Variants in FOXN2 observed in about 807,000 individuals in gnomAD.
FOXN2 encodes the protein forkhead box N2.
FOXN2 carries 19 observed loss-of-function variants against 41.2 expected under a neutral mutation model. That is an observed-to-expected ratio of 0.46 (90% CI 0.32 to 0.68). FOXN2 has a LOEUF of 0.68. Among genes scored for constraint, FOXN2 ranks in the 30% least tolerant of loss-of-function variants. The pLI, the probability that FOXN2 is intolerant of heterozygous loss-of-function variation, is 0.03. For missense variants in FOXN2, 587 were observed against 509.4 expected (o/e 1.15, Z -1.47); for synonymous variants, 195 against 176.8 (o/e 1.10, Z -0.82).
At chr2:48,339,975 A>G (rs902246619) in intron 2 of FOXN2, among the ~76,000 whole-genome samples, 1 of 152,230 alleles carries the variant, frequency 6.6e-6, no homozygotes, top group African/African-American at 2.4e-5. Context: ...AATGAATTCG[A>G]TGGGGGAAAA....
chr2:48,315,285 T>C (rs986649244), intron 1 of FOXN2, among the ~76,000 whole-genome samples: 2 of 152,218 alleles, frequency 1.3e-5, no homozygotes, highest in African/African-American at 4.8e-5. Context: ...GAGCGAGACA[T>C]GTCGGGCTCG....
intron 1 of FOXN2, among the ~76,000 whole-genome samples, chr2:48,319,014 C>T (rs1669114251): frequency 6.6e-6 from 1 of 152,194 alleles, no homozygotes; most frequent in South Asian, 2.1e-4. Context: ...CGAGTAGATA[C>T]ATTACTGTTA....
intron 1 of FOXN2, among the ~76,000 whole-genome samples, chr2:48,323,868 A>C (rs1387319356): frequency 2.0e-5 from 3 of 152,054 alleles, no homozygotes; most frequent in African/African-American, 7.2e-5. Context: ...TTCAGGTCTT[A>C]CATTTAAGTC....
rs772402580 is a variant in FOXN2, at chr2:48,359,055, A to G, written c.546A>G (p.Gly182=). ...TGTGCATTTTATTCTAGGTTAATGG[A>G]AAAGGTTCCTTATGGTGTGTTGATC... is the stretch of plus-strand genomic sequence containing the variant. ...KVERSHGKVN[G]KGSLWCVDPE... Residue 182 remains glycine (G), a synonymous_variant, in exon 4 of 7, where the codon GGA becomes GGG. Coordinates refer to ENST00000340553, the MANE Select transcript of FOXN2 (RefSeq NM_002158.4). 5.8e-5 allele frequency: 94 copies of G among 1,611,214 alleles called. 1 individual carries two copies. Among genetic ancestry groups the G allele is most frequent in the Admixed American group, 8.4e-5 (5 of 59,750 alleles).
intron 3 of FOXN2, among the ~76,000 whole-genome samples, chr2:48,351,068 C>G (rs1305328392): frequency 6.7e-6 from 1 of 149,850 alleles, no homozygotes; most frequent in Non-Finnish European, 1.5e-5. Context: ...TCAAGCAATC[C>G]TGTTACCTCC....
At chr2:48,357,320 G>C (rs758777695) in intron 3 of FOXN2, among the ~76,000 whole-genome samples, 1 of 152,132 alleles carries the variant, frequency 6.6e-6, no homozygotes, top group African/African-American at 2.4e-5. Context: ...AATTTGAAAA[G>C]TAGACTTGAA....
intron 2 of FOXN2, among the ~76,000 whole-genome samples, chr2:48,330,674 T>G (rs1669968245): frequency 6.6e-6 from 1 of 152,120 alleles, no homozygotes; most frequent in South Asian, 2.1e-4. Context: ...ATGCAGTTCT[T>G]GGTGGGTGGT....
chr2:48,316,519 C>A lies in FOXN2; in HGVS notation c.-157+1705C>A, dbSNP rs141183248. Among the ~76,000 whole-genome samples the A allele has an allele frequency of 3.3e-3, 496 of 151,988 alleles. 6 individuals are homozygous for A. Among genetic ancestry groups the A allele is most frequent in the African/African-American group, 0.011 (468 of 41,446 alleles). On this transcript the variant is annotated intron_variant, in intron 1 of 6. Transcript: ENST00000340553. ...GTAAATAAAATTACCAGTGAAAATA[C>A]TTTTTTAGGGATGAAGTAGTGATTT...
At chr2:48,359,241 T>C in intron 4 of FOXN2, 94 bp downstream of exon 4, 2 of 857,104 alleles carry the variant, frequency 2.3e-6, no homozygotes, top group East Asian at 2.6e-5. Context: ...ATGTTTCTGT[T>C]TTATTGTATA....
At chr2:48,351,413 G>A (rs373530777) in intron 3 of FOXN2, among the ~76,000 whole-genome samples, 11 of 152,252 alleles carry the variant, frequency 7.2e-5, no homozygotes, top group African/African-American at 2.6e-4. Context: ...ATACGATATA[G>A]AAAGAAATAT....
At chr2:48,356,515 C>T (rs1301809617) in intron 3 of FOXN2, among the ~76,000 whole-genome samples, 1 of 151,942 alleles carries the variant, frequency 6.6e-6, no homozygotes, top group Non-Finnish European at 1.5e-5. Flanking sequence ...AACATTATTA[C>T]TATGAGACTT....
upstream of FOXN2, among the ~76,000 whole-genome samples, chr2:48,314,215 C>G (rs1668728933): frequency 6.6e-6 from 1 of 152,278 alleles, no homozygotes; most frequent in Non-Finnish European, 1.5e-5. Flanking sequence ...CGGGCACAGG[C>G]ACCGAGGGCC....
At chr2:48,368,160 C>T (rs887906992) in intron 5 of FOXN2, among the ~76,000 whole-genome samples, 2 of 151,974 alleles carry the variant, frequency 1.3e-5, no homozygotes, top group Admixed American at 6.6e-5. Context: ...GGTGTTGACA[C>T]GGTTTTGTTT....
chr2:48,375,581 T>A lies in FOXN2; in HGVS notation c.*138T>A. The A allele has an allele frequency of 1.2e-6, 1 of 819,680 alleles. No individual in the cohort carries two copies. The highest frequency in any genetic ancestry group is 1.8e-6 in the Non-Finnish European group (1 of 541,974). 50.8% of individuals were successfully genotyped at this position (819,680 alleles called of 1,614,324 possible). ...TTTCAAAACATTTTTGGTTTTTGGTTTTTAAAATTTTTATTAAACAATTGC... is the reference window on the plus strand; with the variant it reads ...TTTCAAAACATTTTTGGTTTTTGGTATTTAAAATTTTTATTAAACAATTGC... On this transcript the variant is annotated 3_prime_UTR_variant, in exon 7 of 7. Transcript: ENST00000340553.
At chr2:48,342,774 C>G (rs1463930649) in intron 2 of FOXN2, among the ~76,000 whole-genome samples, 1 of 152,022 alleles carries the variant, frequency 6.6e-6, no homozygotes, top group East Asian at 1.9e-4. Context: ...TTATAAACGG[C>G]TTTTTTTCCT....
intron 5 of FOXN2, among the ~76,000 whole-genome samples, chr2:48,368,133 C>T (rs896727430): frequency 2.1e-4 from 32 of 152,078 alleles, no homozygotes; most frequent in African/African-American, 7.7e-4. Context: ...TGAGCCACCA[C>T]GCTTAGCCAA....
At chr2:48,350,147 C>T (rs960123898) in intron 3 of FOXN2, among the ~76,000 whole-genome samples, 2 of 152,246 alleles carry the variant, frequency 1.3e-5, no homozygotes, top group African/African-American at 2.4e-5. Context: ...CATTTATCCA[C>T]ATGTGGCTAG....
intron 3 of FOXN2, among the ~76,000 whole-genome samples, chr2:48,354,071 A>T (rs1362495519): frequency 6.6e-6 from 1 of 152,182 alleles, no homozygotes; most frequent in Non-Finnish European, 1.5e-5. Context: ...GGTACTTAGA[A>T]ATATAGGCAG....
At chr2:48,349,154 A>C (rs2104392079) in intron 3 of FOXN2, among the ~76,000 whole-genome samples, 1 of 152,300 alleles carries the variant, frequency 6.6e-6, no homozygotes, top group East Asian at 1.9e-4. Flanking sequence ...TGGGAGATAG[A>C]GGGAGACTCT....
Sources: allele counts gnomAD v4.1 joint callset (sites outside exome capture counted in the v4.1 genomes callset), GRCh38; gene constraint gnomAD v4.1.1; transcripts MANE v1.5; gene names NCBI Gene and HGNC (gene_info 2026-07-23, HGNC 2026-07-21).